Variants in TRRAP observed in about 807,000 individuals in gnomAD.
TRRAP encodes transformation/transcription domain associated protein, also known as transformation/transcription domain-associated protein.
In TRRAP, 41 loss-of-function variants were observed where a neutral mutation model predicts 438.8. That is an observed-to-expected ratio of 0.09 (90% CI 0.07 to 0.12). TRRAP has a LOEUF of 0.12. TRRAP is among the 10% of genes least tolerant of loss of function. TRRAP has a pLI of 1.00. For synonymous variants in TRRAP, 1,994 were observed against 1,962.9 expected (o/e 1.02, Z -0.42); for missense variants, 3,122 against 5,055.1 (o/e 0.62, Z 11.60).
intron 6 of TRRAP, 105 bp from the exon 7 acceptor site, chr7:98,895,659 C>A: frequency 2.2e-6 from 2 of 919,218 alleles, no homozygotes; most frequent in Non-Finnish European, 3.1e-6. Flanking sequence ...CCTTACCTCT[C>A]TTATGAGTTC....
At chr7:98,996,022 CT>C (rs1392085494) in intron 67 of TRRAP, among the ~76,000 whole-genome samples, 1 of 150,490 alleles carries the variant, frequency 6.6e-6, no homozygotes, top group African/African-American at 2.5e-5. Context: ...CTACTCACCC[CT>C]GTCCCATTCA....
Position 98,994,784 on chromosome 7 carries a change from C to T in TRRAP, c.10245C>T (p.Ala3415=), listed in dbSNP as rs769399893. ...MFSSAASESL[A]RRAQATAQDP... is the part of the protein sequence containing the mutation. Reference sequence around the variant, plus strand: ...CCAGCGCAGCCTCTGAGTCTCTGGCCCGGCGGGCGCAGGCCACTGCACAAG... The same window carrying T: ...CCAGCGCAGCCTCTGAGTCTCTGGCTCGGCGGGCGCAGGCCACTGCACAAG... The change falls in exon 67 of 73, where the codon GCC becomes GCT. Residue 3415 remains alanine (A), a synonymous_variant. Transcript: ENST00000456197. The surrounding 1 kb of genome is among the most constrained non-coding windows in gnomAD (Gnocchi z 4.8). 6.2e-7 allele frequency: 1 copy of T among 1,614,132 alleles called. No individual in the cohort carries two copies. Among genetic ancestry groups the T allele is most frequent in the Non-Finnish European group, 8.5e-7 (1 of 1,179,990 alleles).
At chr7:98,927,067 A>G (rs544712091) in intron 22 of TRRAP, 100 bp from the exon 23 acceptor site, 1 of 1,302,912 alleles carries the variant, frequency 7.7e-7, no homozygotes, top group African/African-American at 1.5e-5. Context: ...TGTCTGAATA[A>G]GAGGGAAGCA....
chr7:98,950,326 G>C, intron 38 of TRRAP, 64 bp downstream of exon 38: 7 of 1,571,300 alleles, frequency 4.5e-6, no homozygotes, highest in Non-Finnish European at 5.2e-6. Flanking sequence ...AGGGAACTTT[G>C]GGCCCTTTTC....
intron 31 of TRRAP, among the ~76,000 whole-genome samples, chr7:98,945,270 A>G (rs1475793496): frequency 6.6e-6 from 1 of 152,224 alleles, no homozygotes. Context: ...AGCTAGTTTT[A>G]GGAAGACTGC....
intron 4 of TRRAP, 150 bp from the exon 5 acceptor site, chr7:98,892,274 G>A (rs1239926654): frequency 1.5e-6 from 1 of 666,322 alleles, no homozygotes. Flanking sequence ...TTCTAGGACT[G>A]CTTGAAAAAC....
chr7:98,988,978 A>T lies in TRRAP; in HGVS notation c.9591+12A>T, dbSNP rs1201594280. ...AATACTTAGCCAAGGTGAGACCGAA[A>T]AAACGAGCTTTGACCAGAGGCCATC... On this transcript the variant is annotated intron_variant, in intron 63 of 72. Transcript: ENST00000456197. The T allele has an allele frequency of 1.2e-6, 2 of 1,609,738 alleles. No homozygotes were observed. The highest frequency in any genetic ancestry group is 1.3e-5 in the African/African-American group (1 of 75,034).
At chr7:99,010,725 C>T (rs566910270) in intron 70 of TRRAP, among the ~76,000 whole-genome samples, 2 of 152,246 alleles carry the variant, frequency 1.3e-5, no homozygotes, top group South Asian at 4.2e-4. Context: ...GTTAATTGGC[C>T]TGATATATTC....
rs368411932 is a variant in TRRAP at position 98,981,917 on chromosome 7, G to A, written c.8783G>A (p.Arg2928Gln). 1.2e-6 allele frequency: 2 copies of A among 1,608,504 alleles called. No individual in the cohort carries two copies. The highest frequency in any genetic ancestry group is 1.3e-5 in the African/African-American group (1 of 74,798). Residue 2928 changes from arginine (R) to glutamine (Q), a missense_variant, in exon 59 of 73, where the codon CGG becomes CAG. Arg to Gln is a conservative substitution (Grantham distance 43). Around this residue, in one of 24 missense-constraint regions of TRRAP, gnomAD observed 992 missense variants for 1,281.2 expected, o/e 0.77. Transcript: ENST00000456197. ...ASSLAIREWR[R>Q]LPHVVSHVHT... The stretch of plus-strand genomic sequence containing the variant: ...AGCCTGGCCATCCGCGAGTGGCGGC[G>A]GCTGCCCCACGTAGTGTCCCACGTG...
At position 98,910,142 on chromosome 7, in the gene TRRAP, C is replaced by A. The variant is rs781851904; in HGVS notation, c.1437C>A (p.Ala479=). The A allele has an allele frequency of 1.9e-6, 3 of 1,612,230 alleles. No homozygotes were observed. Among genetic ancestry groups the A allele is most frequent in the Non-Finnish European group, 1.7e-6 (2 of 1,179,094 alleles). The change falls in exon 15 of 73, where the codon GCC becomes GCA. Residue 479 remains alanine (A), a synonymous_variant. Coordinates refer to ENST00000456197, the MANE Select transcript of TRRAP (RefSeq NM_001375524.1). The part of the protein sequence containing the change: ...KKCKPQSELG[A]VEAALPGVPT... ...GTAAGCCTCAGTCAGAACTTGGAGC[C>A]GTGGAAGCAGCTCTGCCTGGGGTGC...
At chr7:98,982,607 G>A (rs566711902) in intron 59 of TRRAP, among the ~76,000 whole-genome samples, 2 of 152,334 alleles carry the variant, frequency 1.3e-5, no homozygotes, top group African/African-American at 4.8e-5. Context: ...GGAAGATATC[G>A]TGTGCGCCAT....
In TRRAP at chr7:99,011,940, T is replaced by A; in HGVS notation, c.11338-131T>A. 1 of 1,202,748 alleles carries A rather than the reference T, an allele frequency of 8.3e-7. No homozygotes were observed. Among genetic ancestry groups the A allele is most frequent in the South Asian group, 1.5e-5 (1 of 66,074 alleles). 74.5% of individuals were successfully genotyped at this position (1,202,748 alleles called of 1,614,324 possible). A position where few individuals can be genotyped will look rare whatever the true frequency, so the allele number is the denominator to read the frequency against. On this transcript the variant is annotated intron_variant, in intron 72 of 72. Transcript: ENST00000456197. The surrounding 1 kb of genome is among the most constrained non-coding windows in gnomAD (Gnocchi z 7.1). ...CGTCCTGAGGGCACACAGCCTGGCC[T>A]GGTGCTGAAACTCGACTGGCCCTTG... is the stretch of plus-strand genomic sequence containing the variant.
chr7:98,885,773 G>C (rs1390287167), intron 3 of TRRAP, among the ~76,000 whole-genome samples: 1 of 152,190 alleles, frequency 6.6e-6, no homozygotes, highest in African/African-American at 2.4e-5. Flanking sequence ...TGGCAGGTTT[G>C]TTGGAGAGGC....
chr7:98,881,350 A>G (rs1795420089), intron 2 of TRRAP, 100 bp downstream of exon 2: 1 of 1,071,496 alleles, frequency 9.3e-7, no homozygotes, highest in Non-Finnish European at 1.3e-6. Context: ...AGGCGGGTGG[A>G]TCACCTGATG....
At position 98,910,170 on chromosome 7, in the gene TRRAP, A is replaced by G; in HGVS notation, c.1465A>G (p.Thr489Ala). The G allele has an allele frequency of 6.2e-7, 1 of 1,611,860 alleles. No individual in the cohort carries two copies. ...GGAAGCAGCTCTGCCTGGGGTGCCC[A>G]CTGCCCCTGCAGCTCCTGGCCCTGC... ...AVEAALPGVP[T>A]APAAPGPAPS... The change falls in exon 15 of 73, where the codon ACT (threonine) becomes GCT (alanine). Residue 489 changes from threonine to alanine, a missense_variant. Coordinates refer to ENST00000456197, the MANE Select transcript of TRRAP (RefSeq NM_001375524.1).
At chr7:98,995,759 C>T (rs1437407345) in intron 67 of TRRAP, among the ~76,000 whole-genome samples, 2 of 150,868 alleles carry the variant, frequency 1.3e-5, no homozygotes, top group Admixed American at 6.6e-5. Context: ...CATCCACTCA[C>T]CTGTATCCTA....
chr7:98,917,673 C>T lies in TRRAP; in HGVS notation c.2616C>T (p.Leu872=), dbSNP rs1138544. The T allele has an allele frequency of 1.7e-3, 2,716 of 1,613,358 alleles. 45 individuals carry two copies. In the African/African-American group the frequency reaches 0.033, roughly 20 times the overall value. ...ACATCCAGCCGGTGCGCGCAGAGCTCATGCAGGTAGGATTTTAGTGAGGTT... is the reference window on the plus strand; with the variant it reads ...ACATCCAGCCGGTGCGCGCAGAGCTTATGCAGGTAGGATTTTAGTGAGGTT... ...YDHIQPVRAE[L]MQALWRTLRN... Residue 872 remains leucine (L), a synonymous_variant, in exon 20 of 73, where the codon CTC becomes CTT. Coordinates refer to ENST00000456197, the MANE Select transcript of TRRAP (RefSeq NM_001375524.1).
chr7:99,012,450 C>CAG lies in TRRAP; in HGVS notation c.*97_*98dup. 1 of 1,381,014 alleles carries CAG rather than the reference C, an allele frequency of 7.2e-7. No individual in the cohort carries two copies. The highest frequency in any genetic ancestry group is 9.7e-7 in the Non-Finnish European group (1 of 1,034,918). 85.5% of individuals were successfully genotyped at this position (1,381,014 alleles called of 1,614,324 possible). On this transcript the variant is annotated 3_prime_UTR_variant, in exon 73 of 73. Transcript: ENST00000456197. The surrounding 1 kb of genome is among the most constrained non-coding windows in gnomAD (Gnocchi z 5.9). ...CTCCCTGCCTCGTTCCTTATATTCA[C>CAG]AGAAGCCCCATAGTTTCACTGGGTT...
chr7:98,910,448 A>G lies in TRRAP; in HGVS notation c.1714+29A>G, dbSNP rs782677638. ...ATTCTGCTCTTCAGTTATGTAGACAAACAATAGTTTTCATAAAGTGAGTTT... is the reference window on the plus strand; with the variant it reads ...ATTCTGCTCTTCAGTTATGTAGACAGACAATAGTTTTCATAAAGTGAGTTT... On this transcript the variant is annotated intron_variant, in intron 15 of 72. Transcript: ENST00000456197. 3.1e-6 allele frequency: 5 copies of G among 1,612,634 alleles called. No individual in the cohort carries two copies. In the Admixed American group the frequency reaches 6.7e-5, roughly 22 times the overall value.
Sources: gnomAD v4.1 joint callset for allele counts (sites outside exome capture counted in the v4.1 genomes callset) on GRCh38, gnomAD v4.1.1 for gene constraint, gnomAD v4.1.1 regional missense constraint, Gnocchi (gnomAD v3.1) non-coding constraint, MANE v1.5 for transcripts, NCBI Gene and HGNC (gene_info 2026-07-23, HGNC 2026-07-21) for gene names.